Variants in HERC2 observed in about 807,000 individuals in gnomAD.
HERC2 encodes the protein HECT and RLD domain containing E3 ubiquitin protein ligase 2, also known as E3 ubiquitin-protein ligase HERC2.
In HERC2, 102 loss-of-function variants were observed where a neutral mutation model predicts 537.7. The ratio of observed to expected loss-of-function variants is 0.19; its 90% CI spans 0.16 to 0.22. The LOEUF (loss-of-function observed/expected upper bound fraction) is 0.22, where lower values mean the gene tolerates loss of function less well. Among genes scored for constraint, HERC2 ranks in the 10% least tolerant of loss-of-function variants. The pLI is 1.00. For synonymous variants in HERC2, 2,224 were observed against 2,466.2 expected (o/e 0.90, Z 2.91); for missense variants, 4,236 against 6,198.2 (o/e 0.68, Z 10.63).
At chr15:28,297,368 T>A (rs1167765072) in intron 3 of HERC2, among the ~76,000 whole-genome samples, 15 of 150,952 alleles carry the variant, frequency 9.9e-5, no homozygotes, top group African/African-American at 3.7e-4. Flanking sequence ...AGAAAAAAAA[T>A]CACTTAGAAA....
intron 46 of HERC2, 31 bp downstream of exon 46, chr15:28,202,316 T>TA (rs1567006805): frequency 1.3e-6 from 2 of 1,597,972 alleles, no homozygotes; most frequent in East Asian, 4.7e-5. Flanking sequence ...AACCCACACA[T>TA]ACACAAGCAG....
intron 83 of HERC2, 94 bp downstream of exon 83, chr15:28,130,069 G>C: frequency 6.7e-7 from 1 of 1,487,302 alleles, no homozygotes; most frequent in Non-Finnish European, 9.2e-7. Context: ...CACCACACCT[G>C]GCCTGTGCCC....
intron 20 of HERC2, among the ~76,000 whole-genome samples, chr15:28,252,939 C>G (rs1452426904): frequency 6.6e-6 from 1 of 152,208 alleles, no homozygotes; most frequent in African/African-American, 2.4e-5. Flanking sequence ...CCACCATGGT[C>G]CCATGAATAG....
chr15:28,274,252 GCTGT>G (rs750962703), intron 7 of HERC2, 35 bp downstream of exon 7: 2 of 1,608,078 alleles, frequency 1.2e-6, no homozygotes, highest in Admixed American at 3.3e-5. Flanking sequence ...AAGCAGGCCA[GCTGT>G]CTGCGTGCAG....
intron 8 of HERC2, 58 bp downstream of exon 8, chr15:28,272,836 C>T (rs1315798193): frequency 1.8e-6 from 2 of 1,106,868 alleles, no homozygotes; most frequent in African/African-American, 3.1e-5. Context: ...CACAATGCAA[C>T]AGGTATTTCC....
intron 35 of HERC2, among the ~76,000 whole-genome samples, chr15:28,226,121 T>C (rs1367458262): frequency 2.0e-5 from 3 of 152,184 alleles, no homozygotes; most frequent in Non-Finnish European, 2.9e-5. Flanking sequence ...AAAATACTGC[T>C]GAAAGAAATT....
At chr15:28,237,214 C>A in intron 25 of HERC2, 101 bp from the exon 26 acceptor site, 3 of 1,062,278 alleles carry the variant, frequency 2.8e-6, no homozygotes, top group Admixed American at 3.5e-5. Flanking sequence ...CGCACGTGAG[C>A]CCAGGGGTGC....
Position 28,265,636 on chromosome 15 carries a change from G to A in HERC2, c.1852C>T (p.Leu618=). The part of the protein sequence containing the change: ...VACGSGDAQT[L]AVTENGQVWS... ...TACGTACCGTTCTCAGTGACAGCCA[G>A]GGTTTGAGCATCCCCACTCCCACAC... The change falls in exon 14 of 93, where the codon CTG becomes TTG. Residue 618 remains leucine (L), a synonymous_variant. Coordinates refer to ENST00000261609, the MANE Select transcript of HERC2 (RefSeq NM_004667.6). This position sits in a 1 kb window ranked among gnomAD's most constrained non-coding sequence, Gnocchi z 4.0. 1.2e-6 allele frequency: 2 copies of A among 1,614,050 alleles called. No homozygotes were observed. The highest frequency in any genetic ancestry group is 1.7e-6 in the Non-Finnish European group (2 of 1,179,972).
intron 79 of HERC2, among the ~76,000 whole-genome samples, chr15:28,134,008 A>G (rs546485666): frequency 6.6e-6 from 1 of 152,342 alleles, no homozygotes; most frequent in Non-Finnish European, 1.5e-5. Context: ...TCCGCTTATC[A>G]ATTTCTATAC....
chr15:28,255,743 T>C (rs1332108963), intron 19 of HERC2, 129 bp downstream of exon 19: 1 of 1,038,768 alleles, frequency 9.6e-7, no homozygotes, highest in African/African-American at 1.6e-5. Flanking sequence ...AAAAGAATTT[T>C]AATTTAAAAA....
intron 38 of HERC2, among the ~76,000 whole-genome samples, chr15:28,216,481 G>T (rs1899916481): frequency 6.7e-6 from 1 of 149,780 alleles, no homozygotes; most frequent in South Asian, 2.2e-4. Context: ...AATGGAGGCT[G>T]AGGCTTGGAG....
chr15:28,233,809 C>T lies in HERC2; in HGVS notation c.4219-13G>A, dbSNP rs771677258. ...GACACAAAAAGTCCTGCAACAGAAA[C>T]AGCTGGAAGTAACTTCAGAGCCACC... On this transcript the variant is annotated splice_polypyrimidine_tract_variant and intron_variant, in intron 27 of 92. Transcript: ENST00000261609. 2 of 1,611,946 alleles carry T rather than the reference C, an allele frequency of 1.2e-6. No individual in the cohort carries two copies. The highest frequency in any genetic ancestry group is 8.5e-7 in the Non-Finnish European group (1 of 1,179,742).
chr15:28,133,678 C>A (rs1405124863), intron 79 of HERC2, among the ~76,000 whole-genome samples: 1 of 152,186 alleles, frequency 6.6e-6, no homozygotes, highest in Admixed American at 6.5e-5. Flanking sequence ...TCCAATTATT[C>A]AAAACCACTT....
chr15:28,111,589 G>T lies in HERC2; in HGVS notation c.*174C>A. ...TCCACAGTGTTCCACGCGCACAGGC[G>T]GACCTTCTCACTGTCATTCCCATCA... On this transcript the variant is annotated 3_prime_UTR_variant, in exon 93 of 93. Coordinates refer to ENST00000261609, the MANE Select transcript of HERC2 (RefSeq NM_004667.6). 1 of 654,094 alleles carries T rather than the reference G, an allele frequency of 1.5e-6. No homozygotes were observed. 40.5% of individuals were successfully genotyped at this position (654,094 alleles called of 1,614,324 possible). A position where few individuals can be genotyped will look rare whatever the true frequency, so the allele number is the denominator to read the frequency against.
At chr15:28,204,829 C>T (rs557499143) in intron 45 of HERC2, among the ~76,000 whole-genome samples, 3 of 152,272 alleles carry the variant, frequency 2.0e-5, no homozygotes, top group Non-Finnish European at 2.9e-5. Context: ...AAGCTACTAA[C>T]AAGGAGAAGA....
chr15:28,260,677 GAAC>G, intron 16 of HERC2, 97 bp downstream of exon 16: 4 of 965,752 alleles, frequency 4.1e-6, no homozygotes, highest in Middle Eastern at 4.3e-4. Flanking sequence ...CAGGACACAA[GAAC>G]AACAAACAAA....
intron 6 of HERC2, 45 bp downstream of exon 6, chr15:28,274,860 G>A (rs765452912): frequency 2.1e-6 from 3 of 1,431,516 alleles, no homozygotes; most frequent in Non-Finnish European, 2.9e-6. Context: ...CCAGTCTGTT[G>A]ATGTATTAGG....
intron 9 of HERC2, among the ~76,000 whole-genome samples, chr15:28,271,820 C>T (rs1421075888): frequency 6.6e-6 from 1 of 152,220 alleles, no homozygotes; most frequent in Non-Finnish European, 1.5e-5. Flanking sequence ...GGGCCCCGCA[C>T]GCCTGCTCCT....
At chr15:28,186,803 A>G (rs1360878078) in intron 55 of HERC2, 51 bp from the exon 56 acceptor site, 1 of 1,360,332 alleles carries the variant, frequency 7.4e-7, no homozygotes, top group Admixed American at 1.7e-5. Flanking sequence ...AGCATATTAG[A>G]TCCTCTAACT....
Sources: allele counts gnomAD v4.1 joint callset (sites outside exome capture counted in the v4.1 genomes callset), GRCh38; gene constraint gnomAD v4.1.1; non-coding constraint Gnocchi (gnomAD v3.1); transcripts MANE v1.5; gene names NCBI Gene and HGNC (gene_info 2026-07-23, HGNC 2026-07-21).